Variants in ADAMTS5 observed in about 807,000 individuals in gnomAD.
ADAMTS5 encodes the protein ADAM metallopeptidase with thrombospondin type 1 motif 5, also known as A disintegrin and metalloproteinase with thrombospondin motifs 5.
A neutral mutation model predicts 81.4 loss-of-function variants in ADAMTS5; 54 were observed. The observed-to-expected ratio is 0.66, with a 90% CI of 0.53 to 0.83. ADAMTS5 has a LOEUF of 0.83. ADAMTS5 is among the 40% of genes least tolerant of loss of function. ADAMTS5 has a pLI of 0.00. For missense variants in ADAMTS5, 1,194 were observed against 1,229.9 expected, an observed-to-expected ratio of 0.97 and a Z score of 0.44; for synonymous variants, 532 against 508.8, an observed-to-expected ratio of 1.05 and a Z score of -0.61.
At chr21:26,942,758 T>C (rs940433319) in intron 3 of ADAMTS5, among the ~76,000 whole-genome samples, 42 of 152,310 alleles carry the variant, frequency 2.8e-4, no homozygotes, top group African/African-American at 9.9e-4. Context: ...GAACTATATT[T>C]GAAGGATAAA....
At chr21:26,931,857 G>A (rs567663916) in intron 6 of ADAMTS5, 147 bp downstream of exon 6, 61 of 623,408 alleles carry the variant, frequency 9.8e-5, no homozygotes, top group Middle Eastern at 8.5e-4. Flanking sequence ...TGAAAATATA[G>A]AAGTTATAGA....
intron 2 of ADAMTS5, among the ~76,000 whole-genome samples, chr21:26,945,098 C>T (rs1202494800): frequency 1.3e-5 from 2 of 150,306 alleles, no homozygotes; most frequent in Non-Finnish European, 2.9e-5. Context: ...AGCAGGGGCT[C>T]ATCTAATTTT....
rs902472330 is a variant in ADAMTS5 at position 26,920,620 on chromosome 21, T to A, written c.*3433A>T. 1 of 152,080 alleles carries A rather than the reference T, an allele frequency of 6.6e-6. No homozygotes were observed. The highest frequency in any genetic ancestry group is 1.5e-5 in the Non-Finnish European group (1 of 67,972). The allele number at this position is 152,080 out of a possible 1,614,324, so 9.4% of individuals were successfully genotyped here. Reference sequence around the variant, plus strand: ...ACAACTTTCATCTAATACATCAATATCGACTTGTCCAAGTTTCTCGATGAA... The same window carrying A: ...ACAACTTTCATCTAATACATCAATAACGACTTGTCCAAGTTTCTCGATGAA... On this transcript the variant is annotated 3_prime_UTR_variant, in exon 8 of 8. Transcript: ENST00000284987.
At chr21:26,933,093 T>C in intron 4 of ADAMTS5, 49 bp from the exon 5 acceptor site, 6 of 1,544,772 alleles carry the variant, frequency 3.9e-6, no homozygotes, top group Non-Finnish European at 5.2e-6. Flanking sequence ...AGAAAAACAT[T>C]GAAAGTGTGC....
At chr21:26,953,601 A>G (rs62215997) in intron 2 of ADAMTS5, among the ~76,000 whole-genome samples, 38,737 of 152,110 alleles carry the variant, frequency 0.25, 5,788 homozygotes, top group Non-Finnish European at 0.31. Flanking sequence ...TTTAATTCCC[A>G]TTTAAAAGTT....
intron 3 of ADAMTS5, among the ~76,000 whole-genome samples, chr21:26,938,644 C>T (rs182221970): frequency 6.6e-6 from 1 of 152,306 alleles, no homozygotes; most frequent in East Asian, 1.9e-4. Flanking sequence ...ATTTTCCTGC[C>T]TCAGCCTCCT....
At chr21:26,961,381 AC>A (rs761454662) in intron 1 of ADAMTS5, among the ~76,000 whole-genome samples, 1 of 152,372 alleles carries the variant, frequency 6.6e-6, no homozygotes, top group East Asian at 1.9e-4. Flanking sequence ...AATGAGACCT[AC>A]AGAAAGGTCC....
At chr21:26,963,134 C>T (rs758751157) in intron 1 of ADAMTS5, among the ~76,000 whole-genome samples, 18 of 151,780 alleles carry the variant, frequency 1.2e-4, no homozygotes, top group Non-Finnish European at 2.2e-4. Flanking sequence ...AGAGAGGGCC[C>T]ATGTGAAATA....
intron 1 of ADAMTS5, among the ~76,000 whole-genome samples, chr21:26,960,812 C>A (rs1008891085): frequency 6.6e-6 from 1 of 152,190 alleles, no homozygotes; most frequent in Non-Finnish European, 1.5e-5. Flanking sequence ...TAATCTATTA[C>A]CATTTCCCAT....
At position 26,943,405 on chromosome 21, in the gene ADAMTS5, G is replaced by A. The variant is rs1424174753; in HGVS notation, c.1380C>T (p.Ile460=). The part of the protein sequence containing the change: ...KPWSKCTSAT[I]TEFLDDGHGN... ...CATGGCCATCATCCAGGAATTCTGT[G>A]ATGGTGGCTGAAGTGCATTTGGACC... Residue 460 remains isoleucine (I), a synonymous_variant, in exon 3 of 8, where the codon ATC becomes ATT. Transcript: ENST00000284987. The A allele has an allele frequency of 1.2e-6, 2 of 1,613,276 alleles. No homozygotes were observed. Among genetic ancestry groups the A allele is most frequent in the Admixed American group, 1.7e-5 (1 of 59,908 alleles).
At position 26,965,651 on chromosome 21, in the gene ADAMTS5, A is replaced by G. The variant is rs778669912; in HGVS notation, c.741T>C (p.Ala247=). The G allele has an allele frequency of 2.5e-6, 4 of 1,593,836 alleles. No individual in the cohort carries two copies. Among genetic ancestry groups the G allele is most frequent in the Non-Finnish European group, 3.4e-6 (4 of 1,172,560 alleles). Residue 247 remains alanine (A), a synonymous_variant, in exon 1 of 8, where the codon GCT becomes GCC. Coordinates refer to ENST00000284987, the MANE Select transcript of ADAMTS5 (RefSeq NM_007038.5). ...QLLDQSALSP[A]GGSGPQTWWR... The stretch of plus-strand genomic sequence containing the variant: ...ACCACGTCTGCGGTCCTGAGCCCCC[A>G]GCGGGCGAGAGAGCGGACTGGTCCA...
intron 1 of ADAMTS5, among the ~76,000 whole-genome samples, chr21:26,960,236 C>T (rs1475531703): frequency 2.6e-5 from 4 of 152,200 alleles, no homozygotes; most frequent in Non-Finnish European, 5.9e-5. Flanking sequence ...ATTTCTGAAA[C>T]AGCCTGCTCA....
chr21:26,956,504 A>G (rs932800823), intron 1 of ADAMTS5, among the ~76,000 whole-genome samples: 2 of 152,164 alleles, frequency 1.3e-5, no homozygotes, highest in Non-Finnish European at 2.9e-5. Flanking sequence ...TTGAAATTGG[A>G]ACACACTTTT....
At position 26,919,483 on chromosome 21, in the gene ADAMTS5, TCAAAAC is replaced by T. The variant is rs1159126104; in HGVS notation, c.*4564_*4569del. On this transcript the variant is annotated 3_prime_UTR_variant, in exon 8 of 8. Coordinates refer to ENST00000284987, the MANE Select transcript of ADAMTS5 (RefSeq NM_007038.5). The stretch of plus-strand genomic sequence containing the variant: ...TGTGTATGTTAATGTCTTTTTTTTT[TCAAAAC>T]CAACATCATCTAACAACATATTCTT... The T allele has an allele frequency of 4.6e-5, 7 of 151,784 alleles. No homozygotes were observed. The East Asian group carries it at 1.2e-3, about 25-fold the overall frequency. The allele number at this position is 151,784 out of a possible 1,614,324, so 9.4% of individuals were successfully genotyped here. A position where few individuals can be genotyped will look rare whatever the true frequency, so the allele number is the denominator to read the frequency against.
chr21:26,929,247 T>C (rs1316110322), intron 7 of ADAMTS5, among the ~76,000 whole-genome samples: 1 of 152,226 alleles, frequency 6.6e-6, no homozygotes, highest in Non-Finnish European at 1.5e-5. Context: ...AGCAAGCCTG[T>C]ATTTTACCAG....
Position 26,965,790 on chromosome 21 carries a change from T to G in ADAMTS5, c.602A>C (p.Glu201Ala), listed in dbSNP as rs578086069. ...GCAGCTGGCGCGCGGCGGCAGGGCC[T>G]CGAAGCTGAAGCCCTCGCGGGTGTA... Reference protein sequence around the residue: ...HVYTREGFSFEALPPRASCET... With the variant: ...HVYTREGFSFAALPPRASCET... The change falls in exon 1 of 8, where the codon GAG (glutamate) becomes GCG (alanine). Residue 201 changes from glutamate to alanine, a missense_variant. Transcript: ENST00000284987. 2 of 1,604,252 alleles carry G rather than the reference T, an allele frequency of 1.2e-6. No individual in the cohort carries two copies. The highest frequency in any genetic ancestry group is 4.5e-5 in the East Asian group (2 of 44,424).
rs996873224 is a variant in ADAMTS5, at chr21:26,943,556, G to A, written c.1238-9C>T. The A allele has an allele frequency of 6.2e-7, 1 of 1,605,998 alleles. No individual in the cohort carries two copies. The highest frequency in any genetic ancestry group is 8.5e-7 in the Non-Finnish European group (1 of 1,175,594). On this transcript the variant is annotated splice_polypyrimidine_tract_variant and intron_variant, in intron 2 of 7. Transcript: ENST00000284987. ...GAGGCCAAGTAAATGTCCTAAGGGA[G>A]ACAACAGAGGAAGTACAAATAATCC...
At position 26,954,851 on chromosome 21, in the gene ADAMTS5, T is replaced by C; in HGVS notation, c.1125A>G (p.Ser375=). The C allele has an allele frequency of 1.2e-6, 2 of 1,614,050 alleles. No individual in the cohort carries two copies. Among genetic ancestry groups the C allele is most frequent in the East Asian group, 2.2e-5 (1 of 44,860 alleles). Residue 375 remains serine, a synonymous_variant, in exon 2 of 8, where the codon TCA becomes TCG. Transcript: ENST00000284987. ...CGTCTGCCATTCCCAGGGTGTCACA[T>C]GAATGATGCCCACATAAATCCTGCC... ...FTREDLCGHH[S]CDTLGMADVG...
Position 26,966,313 on chromosome 21 carries a change from C to T in ADAMTS5, c.79G>A (p.Ala27Thr). The change falls in exon 1 of 8, where the codon GCC becomes ACC. Residue 27 changes from alanine to threonine, a missense_variant. Ala to Thr is a moderately conservative substitution (Grantham distance 58, BLOSUM62 0). Coordinates refer to ENST00000284987, the MANE Select transcript of ADAMTS5 (RefSeq NM_007038.5). ...LAAVGPAATP[A>T]QDKAGQPPTA... ...GGAGGCTGCCCGGCTTTATCCTGGGCAGGTGTCGCGGCGGGGCCGACCGCG... is the reference window on the plus strand; with the variant it reads ...GGAGGCTGCCCGGCTTTATCCTGGGTAGGTGTCGCGGCGGGGCCGACCGCG... The T allele has an allele frequency of 6.6e-7, 1 of 1,521,280 alleles. No homozygotes were observed. 94.2% of individuals were successfully genotyped at this position (1,521,280 alleles called of 1,614,324 possible). A position where few individuals can be genotyped will look rare whatever the true frequency, so the allele number is the denominator to read the frequency against.
Sources: allele counts gnomAD v4.1 joint callset (sites outside exome capture counted in the v4.1 genomes callset), GRCh38; gene constraint gnomAD v4.1.1; transcripts MANE v1.5; gene names NCBI Gene and HGNC (gene_info 2026-07-23, HGNC 2026-07-21).